The following ZDHHC23 variants were observed in gnomAD, a reference collection of about 807,000 sequenced individuals.
ZDHHC23 encodes the protein zDHHC palmitoyltransferase 23, also known as palmitoyltransferase ZDHHC23.
Under a neutral mutation model 40.2 loss-of-function variants are expected in ZDHHC23, and 41 were observed. The observed-to-expected ratio is 1.02, with a 90% CI of 0.79 to 1.32. ZDHHC23 has a LOEUF of 1.32. Among genes scored for constraint, ZDHHC23 ranks in the 40% most tolerant of loss-of-function variants. ZDHHC23 has a pLI of 0.00. For synonymous variants in ZDHHC23, 204 were observed against 210.2 expected (o/e 0.97, Z 0.26); for missense variants, 471 against 541.5 (o/e 0.87, Z 1.29).
Position 113,960,881 on chromosome 3 carries a change from G to A in ZDHHC23, c.*2251G>A. The A allele has an allele frequency of 7.8e-7, 1 of 1,282,646 alleles. No individual in the cohort carries two copies. 79.5% of individuals were successfully genotyped at this position (1,282,646 alleles called of 1,614,324 possible). ...AACCTGTCAAAAGATGAGTGATCTT[G>A]TGTGGGAAAAGCCTTCCCAGGCGTC... is the stretch of plus-strand genomic sequence containing the variant. On this transcript the variant is annotated 3_prime_UTR_variant, in exon 5 of 5. Transcript: ENST00000638807.
the ZDHHC23 span, among the ~76,000 whole-genome samples, chr3:113,974,794 C>CT: frequency 4.5e-3 from 688 of 152,196 alleles, 7 homozygotes; most frequent in African/African-American, 0.016. Context: ...TGGCTGCCTC[C>CT]TTTTTGGCAC....
chr3:113,965,221 C>A (rs1939994044), downstream of ZDHHC23: 1 of 1,611,334 alleles, frequency 6.2e-7, no homozygotes, highest in African/African-American at 1.3e-5. Context: ...GCTCGTGGTA[C>A]CTTCCAGGTA....
At chr3:113,971,957 T>C in the ZDHHC23 span, among the ~76,000 whole-genome samples, 2 of 152,292 alleles carry the variant, frequency 1.3e-5, no homozygotes, top group East Asian at 3.9e-4. Flanking sequence ...TTTTCCAGTT[T>C]ATTGATATAT....
In ZDHHC23 at chr3:113,958,525, C is replaced by T; in HGVS notation, c.1203C>T (p.Leu401=). The T allele has an allele frequency of 6.2e-7, 1 of 1,613,606 alleles. No individual in the cohort carries two copies. The highest frequency in any genetic ancestry group is 1.1e-5 in the South Asian group (1 of 91,084). The change falls in exon 5 of 5, where the codon CTC becomes CTT. Residue 401 remains leucine (L), a synonymous_variant. Transcript: ENST00000638807. ...QKTGRRLLCG[L]IVDTGQYNRG... ...CTGGGCGCCGGCTCCTCTGCGGGCT[C>T]ATCGTGGACACAGGCCAGTACAATA...
Position 113,960,115 on chromosome 3 carries a change from G to A in ZDHHC23, c.*1485G>A. 2.0e-6 allele frequency: 2 copies of A among 989,520 alleles called. No homozygotes were observed. Among genetic ancestry groups the A allele is most frequent in the Non-Finnish European group, 2.4e-6 (2 of 832,240 alleles). The allele number at this position is 989,520 out of a possible 1,614,324, so 61.3% of individuals were successfully genotyped here. A position where few individuals can be genotyped will look rare whatever the true frequency, so the allele number is the denominator to read the frequency against. On this transcript the variant is annotated 3_prime_UTR_variant, in exon 5 of 5. Coordinates refer to ENST00000638807, the MANE Select transcript of ZDHHC23 (RefSeq NM_001320466.2). ...AGGGAAAATATTGCCAGCGTTTTCAGTCATTCTGTGCATGCTGCTTTAAGC... is the reference window on the plus strand; with the variant it reads ...AGGGAAAATATTGCCAGCGTTTTCAATCATTCTGTGCATGCTGCTTTAAGC...
At chr3:113,965,375 A>C (rs370217195), downstream of ZDHHC23, 2 of 1,514,100 alleles carry the variant, frequency 1.3e-6, no homozygotes. Flanking sequence ...AGAATAAAGA[A>C]GGAAAAAAGT....
chr3:113,976,272 A>C, the ZDHHC23 span, among the ~76,000 whole-genome samples: 1 of 151,966 alleles, frequency 6.6e-6, no homozygotes, highest in East Asian at 1.9e-4. Flanking sequence ...GTAAAAAAAA[A>C]AACAAAACAA....
the ZDHHC23 span, among the ~76,000 whole-genome samples, chr3:113,977,014 G>A: frequency 1.3e-5 from 2 of 152,160 alleles, no homozygotes; most frequent in Admixed American, 1.3e-4. Context: ...GGTGGAGGTA[G>A]GCACCCTCAT....
chr3:113,953,916 G>A lies in ZDHHC23; in HGVS notation c.378G>A (p.Trp126Ter), dbSNP rs1198739353. 1.2e-6 allele frequency: 2 copies of A among 1,614,108 alleles called. No individual in the cohort carries two copies. The highest frequency in any genetic ancestry group is 8.5e-7 in the Non-Finnish European group (1 of 1,180,014). Residue 126 changes from tryptophan to a stop codon, truncating the protein, a stop_gained, in exon 3 of 5, where the codon TGG becomes TGA. Coordinates refer to ENST00000638807, the MANE Select transcript of ZDHHC23 (RefSeq NM_001320466.2). LOFTEE classifies it high-confidence loss of function. ...VLTSLPVLAL[W>*]YYYLTHRRKE... ...CCTCCCTTCCTGTGCTGGCACTGTG[G>A]TACTACTACCTCACTCACAGAAGGA...
chr3:113,956,407 C>T lies in ZDHHC23; in HGVS notation c.941C>T (p.Thr314Ile). Residue 314 changes from threonine (T) to isoleucine (I), a missense_variant, in exon 4 of 5, where the codon ACC (threonine) becomes ATC (isoleucine). Around this residue, in one of 3 missense-constraint regions of ZDHHC23, gnomAD observed 346 missense variants for 399.8 expected, o/e 0.87. Transcript: ENST00000638807. ...FILALLIFLL[T>I]SVYGITLTLD... ...CTTGCCCTTTTGATCTTCTTGCTCA[C>T]CTCGGTGTATGGGATCACACTGACC... 7.4e-6 allele frequency: 12 copies of T among 1,614,140 alleles called. No homozygotes were observed. Among genetic ancestry groups the T allele is most frequent in the Non-Finnish European group, 9.3e-6 (11 of 1,180,034 alleles).
Position 113,956,385 on chromosome 3 carries a change from G to C in ZDHHC23, c.919G>C (p.Ala307Pro). The change falls in exon 4 of 5, where the codon GCC (alanine) becomes CCC (proline). Residue 307 changes from alanine to proline, a missense_variant. Coordinates refer to ENST00000638807, the MANE Select transcript of ZDHHC23 (RefSeq NM_001320466.2). ...GESNHQAFIL[A>P]LLIFLLTSVY... is the part of the protein sequence containing the mutation. ...ATCAAATCATCAAGCATTTATACTT[G>C]CCCTTTTGATCTTCTTGCTCACCTC... is the stretch of plus-strand genomic sequence containing the variant. The C allele has an allele frequency of 6.2e-7, 1 of 1,614,180 alleles. No homozygotes were observed. Among genetic ancestry groups the C allele is most frequent in the Non-Finnish European group, 8.5e-7 (1 of 1,180,032 alleles).
chr3:113,958,071 CT>C (rs1305222037), intron 4 of ZDHHC23, among the ~76,000 whole-genome samples: 2 of 152,196 alleles, frequency 1.3e-5, no homozygotes, highest in Admixed American at 6.5e-5. Flanking sequence ...GTGTTGAACG[CT>C]GTTATGTCAG....
intron 2 of ZDHHC23, among the ~76,000 whole-genome samples, chr3:113,949,720 C>G (rs1412326237): frequency 6.6e-6 from 1 of 152,084 alleles, no homozygotes; most frequent in African/African-American, 2.4e-5. Flanking sequence ...CTTGCTTTTC[C>G]CATTAATAAT....
chr3:113,954,886 A>T (rs891969970), intron 3 of ZDHHC23, among the ~76,000 whole-genome samples: 2 of 152,166 alleles, frequency 1.3e-5, no homozygotes, highest in Non-Finnish European at 2.9e-5. Context: ...TCCACTTAAC[A>T]TTATTGAATC....
downstream of ZDHHC23, among the ~76,000 whole-genome samples, chr3:113,966,103 C>T (rs77297629): frequency 5.6e-3 from 851 of 152,240 alleles, 7 homozygotes; most frequent in African/African-American, 0.016. Context: ...TGGAAAATTG[C>T]GTGCAGAATG....
At chr3:113,955,647 C>G (rs1301157615) in intron 3 of ZDHHC23, among the ~76,000 whole-genome samples, 1 of 152,138 alleles carries the variant, frequency 6.6e-6, no homozygotes, top group African/African-American at 2.4e-5. Context: ...TGAATTTTCC[C>G]ATACTATGTA....
intron 4 of ZDHHC23, chr3:113,957,462 T>C (rs1023856879): frequency 2.5e-5 from 9 of 354,694 alleles, no homozygotes; most frequent in African/African-American, 1.9e-4. Context: ...AGCATGTGAA[T>C]GAAATTCTCT....
chr3:113,966,561 A>G (rs28453166), downstream of ZDHHC23, among the ~76,000 whole-genome samples: 1 of 152,216 alleles, frequency 6.6e-6, no homozygotes, highest in South Asian at 2.1e-4. Flanking sequence ...AGAGGAGAGC[A>G]CATCTTGAGT....
At position 113,959,146 on chromosome 3, in the gene ZDHHC23, C is replaced by A; in HGVS notation, c.*516C>A. ...AAAGCACTAAAAAACAACTCAAGAG[C>A]CATGGAAATACAAAGTATTAGGAAA... On this transcript the variant is annotated 3_prime_UTR_variant, in exon 5 of 5. Coordinates refer to ENST00000638807, the MANE Select transcript of ZDHHC23 (RefSeq NM_001320466.2). 9.6e-7 allele frequency: 1 copy of A among 1,041,828 alleles called. No homozygotes were observed. Among genetic ancestry groups the A allele is most frequent in the Non-Finnish European group, 1.2e-6 (1 of 851,242 alleles). The allele number at this position is 1,041,828 out of a possible 1,614,324, so 64.5% of individuals were successfully genotyped here. A position where few individuals can be genotyped will look rare whatever the true frequency, so the allele number is the denominator to read the frequency against.
Sources: allele counts gnomAD v4.1 joint callset (sites outside exome capture counted in the v4.1 genomes callset), GRCh38; gene constraint gnomAD v4.1.1; regional missense constraint gnomAD v4.1.1; transcripts MANE v1.5; gene names NCBI Gene and HGNC (gene_info 2026-07-23, HGNC 2026-07-21).